PHACTR1: variants seen among roughly 807,000 people sequenced by gnomAD.
PHACTR1 encodes the protein phosphatase and actin regulator 1.
PHACTR1 carries 16 observed loss-of-function variants against 69.2 expected under a neutral mutation model. The observed-to-expected ratio is 0.23, with a 90% confidence interval of 0.16 to 0.35. The LOEUF (loss-of-function observed/expected upper bound fraction) is 0.35, where lower values mean the gene tolerates loss of function less well. Ranked by LOEUF, PHACTR1 falls within the 10% of genes least tolerant of loss-of-function variation. The pLI is 1.00. For synonymous variants in PHACTR1, 312 were observed against 284.5 expected (o/e 1.10, Z -0.97); for missense variants, 510 against 734.7 (o/e 0.69, Z 3.54).
chr6:13,151,137 T>C (rs1824244642), intron 5 of PHACTR1, among the ~76,000 whole-genome samples: 1 of 152,218 alleles, frequency 6.6e-6, no homozygotes, highest in African/African-American at 2.4e-5. Context: ...GCAAGTAAAC[T>C]ACTCAGCAGT....
At chr6:12,962,565 A>G (rs1045245158) in intron 4 of PHACTR1, among the ~76,000 whole-genome samples, 10 of 152,196 alleles carry the variant, frequency 6.6e-5, no homozygotes, top group African/African-American at 2.4e-4. Context: ...GACCTGGGCC[A>G]AGCTTCCAGA....
chr6:12,912,927 C>G (rs1293001342), intron 4 of PHACTR1, among the ~76,000 whole-genome samples: 1 of 152,212 alleles, frequency 6.6e-6, no homozygotes, highest in East Asian at 1.9e-4. Context: ...GCACTCCAGC[C>G]TGGGCAACTG....
chr6:12,969,440 C>T (rs939024574), intron 4 of PHACTR1, among the ~76,000 whole-genome samples: 14 of 152,214 alleles, frequency 9.2e-5, no homozygotes, highest in Non-Finnish European at 1.6e-4. Flanking sequence ...GTATTTTCAC[C>T]CCTGCCGAGG....
chr6:12,736,921 G>A (rs892960653), intron 3 of PHACTR1, among the ~76,000 whole-genome samples: 1 of 151,866 alleles, frequency 6.6e-6, no homozygotes, highest in Non-Finnish European at 1.5e-5. Context: ...GTCTGTGTGC[G>A]TATCTGTGTG....
intron 5 of PHACTR1, among the ~76,000 whole-genome samples, chr6:13,068,474 T>C (rs1809008369): frequency 6.6e-6 from 1 of 152,130 alleles, no homozygotes; most frequent in South Asian, 2.1e-4. Context: ...ACAACAGACA[T>C]CTAAGAGTAA....
intron 5 of PHACTR1, among the ~76,000 whole-genome samples, chr6:13,115,484 T>G (rs1293016590): frequency 2.6e-5 from 4 of 152,126 alleles, no homozygotes; most frequent in Non-Finnish European, 5.9e-5. Context: ...TTCTTCTCCC[T>G]TCTACCCATG....
At chr6:13,082,430 A>C (rs541629224) in intron 5 of PHACTR1, among the ~76,000 whole-genome samples, 1 of 152,342 alleles carries the variant, frequency 6.6e-6, no homozygotes, top group South Asian at 2.1e-4. Context: ...ACAGCTGACC[A>C]TGAAGAGATA....
At chr6:13,048,712 A>G (rs894719748) in intron 4 of PHACTR1, among the ~76,000 whole-genome samples, 8 of 152,152 alleles carry the variant, frequency 5.3e-5, no homozygotes, top group African/African-American at 1.9e-4. Flanking sequence ...TTCTGTTTTT[A>G]GTAGAGACAG....
At chr6:13,017,604 T>C (rs1800378979) in intron 4 of PHACTR1, among the ~76,000 whole-genome samples, 1 of 152,180 alleles carries the variant, frequency 6.6e-6, no homozygotes, top group Non-Finnish European at 1.5e-5. Flanking sequence ...TATGATTTAA[T>C]TTACAAATAG....
At chr6:12,904,913 G>A (rs1449052049) in intron 4 of PHACTR1, among the ~76,000 whole-genome samples, 1 of 152,126 alleles carries the variant, frequency 6.6e-6, no homozygotes, top group Non-Finnish European at 1.5e-5. Context: ...AAAGTCCCTG[G>A]CATGCAGTGA....
chr6:12,834,538 T>C (rs1336205333), intron 4 of PHACTR1, among the ~76,000 whole-genome samples: 1 of 152,166 alleles, frequency 6.6e-6, no homozygotes. Context: ...CAAAGGTATA[T>C]GCAAAATGTG....
chr6:12,910,900 A>C (rs1187741951), intron 4 of PHACTR1, among the ~76,000 whole-genome samples: 1 of 152,250 alleles, frequency 6.6e-6, no homozygotes, highest in African/African-American at 2.4e-5. Context: ...GGACATGTAC[A>C]CATAGAACTG....
chr6:13,045,343 G>A (rs575673952), intron 4 of PHACTR1, among the ~76,000 whole-genome samples: 6 of 152,272 alleles, frequency 3.9e-5, no homozygotes, highest in African/African-American at 1.4e-4. Flanking sequence ...ACTGAAAAAT[G>A]TTAGCTGTTA....
At chr6:12,923,162 A>G (rs982042314) in intron 4 of PHACTR1, among the ~76,000 whole-genome samples, 3 of 152,186 alleles carry the variant, frequency 2.0e-5, no homozygotes, top group African/African-American at 7.2e-5. Context: ...AAGTTAATGC[A>G]AAGGAGACTA....
chr6:13,149,146 A>G (rs986136214), intron 5 of PHACTR1, among the ~76,000 whole-genome samples: 1 of 152,100 alleles, frequency 6.6e-6, no homozygotes, highest in African/African-American at 2.4e-5. Context: ...GCCTTTTTAC[A>G]ACAGAACACC....
chr6:13,251,063 T>C (rs368656604), intron 10 of PHACTR1, among the ~76,000 whole-genome samples: 60 of 152,324 alleles, frequency 3.9e-4, no homozygotes, highest in African/African-American at 1.3e-3. Context: ...CAGTGGTCCC[T>C]GTGCATCGTC....
rs181578862 is a variant in PHACTR1, at chr6:13,091,688, C to T, written c.415+38159C>T. ...GAGCCCTGAGCTTGTTTTTCTACAACTAGTCACTCCCATCTGGTGGTAATG... is the reference window on the plus strand; with the variant it reads ...GAGCCCTGAGCTTGTTTTTCTACAATTAGTCACTCCCATCTGGTGGTAATG... On this transcript the variant is annotated intron_variant, in intron 5 of 14. Transcript: ENST00000332995. Among the ~76,000 whole-genome samples the T allele has an allele frequency of 3.6e-3, 541 of 152,308 alleles. 8 individuals carry two copies. Among genetic ancestry groups the T allele is most frequent in the African/African-American group, 0.013 (521 of 41,570 alleles).
chr6:12,971,570 C>T (rs1282806827), intron 4 of PHACTR1, among the ~76,000 whole-genome samples: 2 of 152,110 alleles, frequency 1.3e-5, no homozygotes, highest in Non-Finnish European at 2.9e-5. Context: ...GACAAATCCA[C>T]AGGGACAGAA....
chr6:13,284,543 A>AAAAAAT (rs1554187813), intron 13 of PHACTR1, among the ~76,000 whole-genome samples: 17 of 61,346 alleles, frequency 2.8e-4, no homozygotes, highest in Admixed American at 6.6e-4. Context: ...AAAAAAAAAA[A>AAAAAAT]ATATATATAT....
Sources: gnomAD v4.1 joint callset for allele counts (sites outside exome capture counted in the v4.1 genomes callset) on GRCh38, gnomAD v4.1.1 for gene constraint, MANE v1.5 for transcripts, NCBI Gene and HGNC (gene_info 2026-07-23, HGNC 2026-07-21) for gene names.